The following AGXT2 variants were observed in gnomAD, a reference collection of about 807,000 sequenced individuals.
AGXT2 encodes alanine--glyoxylate aminotransferase 2, also known as alanine--glyoxylate aminotransferase 2, mitochondrial.
AGXT2 carries 61 observed loss-of-function variants against 62.5 expected under a neutral mutation model. The ratio of observed to expected loss-of-function variants is 0.98; its 90% CI spans 0.79 to 1.21. The LOEUF is 1.21. Among genes scored for constraint, AGXT2 ranks in the 50% most tolerant of loss-of-function variants. The pLI, the probability that AGXT2 is intolerant of heterozygous loss-of-function variation, is 0.00. For synonymous variants in AGXT2, 243 were observed against 218.7 expected (o/e 1.11, Z -0.98); for missense variants, 666 against 641.5 (o/e 1.04, Z -0.41).
chr5:35,046,494 G>T (rs1311288325), intron 1 of AGXT2, among the ~76,000 whole-genome samples: 2 of 152,182 alleles, frequency 1.3e-5, no homozygotes, highest in African/African-American at 4.8e-5. Flanking sequence ...ACCTGGCTTT[G>T]AATCCCAAGT....
intron 9 of AGXT2, among the ~76,000 whole-genome samples, chr5:35,019,027 T>C (rs1766961318): frequency 9.7e-6 from 1 of 102,948 alleles, no homozygotes; most frequent in Non-Finnish European, 1.8e-5. Context: ...GAGCTAACTA[T>C]CCTAAATATA....
chr5:34,999,840 A>G lies in AGXT2; in HGVS notation c.1438-1014T>C, dbSNP rs111710592. On this transcript the variant is annotated intron_variant, in intron 13 of 13. Transcript: ENST00000231420. ...GAGAACAAGGTGTATTTGCTGTTCA[A>G]CTCCAAATTGTCCACCTATGCCCTT... Among the ~76,000 whole-genome samples, 475 of 152,140 alleles carry G rather than the reference A, an allele frequency of 3.1e-3. 1 individual carries two copies. The highest frequency in any genetic ancestry group is 0.011 in the African/African-American group (451 of 41,506).
intron 1 of AGXT2, among the ~76,000 whole-genome samples, chr5:35,044,269 C>T (rs1037516418): frequency 2.6e-5 from 4 of 152,154 alleles, no homozygotes; most frequent in Admixed American, 2.6e-4. Flanking sequence ...AGTGTCTGGT[C>T]GGTAGAGAAA....
intron 1 of AGXT2, among the ~76,000 whole-genome samples, chr5:35,042,545 G>A (rs1204184164): frequency 2.0e-5 from 3 of 151,856 alleles, no homozygotes; most frequent in African/African-American, 7.3e-5. Flanking sequence ...GATATTTGAT[G>A]GACAGAAAGA....
At chr5:35,016,623 T>C (rs576188525) in intron 9 of AGXT2, among the ~76,000 whole-genome samples, 3 of 152,266 alleles carry the variant, frequency 2.0e-5, no homozygotes, top group South Asian at 2.1e-4. Flanking sequence ...GGTGGTTCTT[T>C]AGGACATGAG....
chr5:35,002,668 T>C (rs193034919), intron 13 of AGXT2, among the ~76,000 whole-genome samples: 30 of 152,266 alleles, frequency 2.0e-4, no homozygotes, highest in Non-Finnish European at 2.5e-4. Context: ...CACCAGACAC[T>C]GAACTTGCTG....
chr5:35,029,121 G>C (rs344510), intron 7 of AGXT2, among the ~76,000 whole-genome samples: 142,806 of 152,262 alleles, frequency 0.94, 67,435 homozygotes, highest in Non-Finnish European at 1. Flanking sequence ...ACAAGTATAT[G>C]AAACCCTGAA....
At chr5:35,003,154 A>T (rs1766295623) in intron 13 of AGXT2, among the ~76,000 whole-genome samples, 2 of 152,020 alleles carry the variant, frequency 1.3e-5, no homozygotes, top group Non-Finnish European at 2.9e-5. Context: ...CAAGGAAGGG[A>T]GTGGGGAGGG....
At chr5:34,999,670 C>T (rs1766156615) in intron 13 of AGXT2, among the ~76,000 whole-genome samples, 1 of 152,152 alleles carries the variant, frequency 6.6e-6, no homozygotes, top group Non-Finnish European at 1.5e-5. Context: ...TTTATCATTC[C>T]TCTCAATTTC....
rs560192154 is a variant in AGXT2 at position 35,014,778 on chromosome 5, T to C, written c.964-659A>G. Among the ~76,000 whole-genome samples the C allele has an allele frequency of 3.3e-5, 5 of 152,280 alleles. No individual in the cohort carries two copies. The East Asian group carries it at 9.7e-4, about 29-fold the overall frequency. The stretch of plus-strand genomic sequence containing the variant: ...ATGATTAACAATCTTTGATGAGCGT[T>C]TCCTCTGTGTAAGAAAGCAGGATAG... On this transcript the variant is annotated intron_variant, in intron 9 of 13. Coordinates refer to ENST00000231420, the MANE Select transcript of AGXT2 (RefSeq NM_031900.4).
chr5:35,021,655 A>C (rs1476520231), intron 9 of AGXT2, among the ~76,000 whole-genome samples: 1 of 152,182 alleles, frequency 6.6e-6, no homozygotes, highest in Non-Finnish European at 1.5e-5. Flanking sequence ...TTCAGGACAC[A>C]GGCATGGGCA....
chr5:35,009,892 G>C (rs1186131896), intron 12 of AGXT2, 108 bp downstream of exon 12: 7 of 1,476,096 alleles, frequency 4.7e-6, no homozygotes, highest in East Asian at 2.3e-5. Flanking sequence ...AAATCTTGCT[G>C]TTTGTGTCTG....
intron 9 of AGXT2, among the ~76,000 whole-genome samples, chr5:35,018,955 C>T (rs1196956560): frequency 7.5e-6 from 1 of 133,224 alleles, no homozygotes; most frequent in East Asian, 2.0e-4. Flanking sequence ...TTTAAACCAA[C>T]AAAGATCAAA....
chr5:35,035,097 C>T lies in AGXT2; in HGVS notation c.581+125G>A, dbSNP rs1427142523. On this transcript the variant is annotated intron_variant, in intron 5 of 13. Transcript: ENST00000231420. Reference sequence around the variant, plus strand: ...TCAATTGACCTATCCTTCCTTAAAACTTAACAACTAGAAAAATATCCCTGA... The same window carrying T: ...TCAATTGACCTATCCTTCCTTAAAATTTAACAACTAGAAAAATATCCCTGA... 1.6e-5 allele frequency: 14 copies of T among 877,588 alleles called. No individual in the cohort carries two copies. In the Admixed American group the frequency reaches 2.6e-4, roughly 16 times the overall value. 54.4% of individuals were successfully genotyped at this position (877,588 alleles called of 1,614,324 possible).
chr5:35,006,372 T>C (rs1457883376), intron 12 of AGXT2, among the ~76,000 whole-genome samples: 1 of 152,202 alleles, frequency 6.6e-6, no homozygotes, highest in African/African-American at 2.4e-5. Context: ...AGAGGTTTAA[T>C]TGGCTCACAG....
intron 9 of AGXT2, among the ~76,000 whole-genome samples, chr5:35,021,210 T>C (rs1397861915): frequency 4.6e-5 from 7 of 152,248 alleles, no homozygotes; most frequent in Admixed American, 1.3e-4. Context: ...CTTCACAGAA[T>C]TGAAAAAACT....
chr5:35,013,154 C>A, intron 10 of AGXT2, 109 bp from the exon 11 acceptor site: 2 of 939,656 alleles, frequency 2.1e-6, no homozygotes, highest in Non-Finnish European at 3.4e-6. Flanking sequence ...GCATCCAATC[C>A]AATTCATCCT....
rs1253941036 is a variant in AGXT2 at position 35,036,850 on chromosome 5, A to G, written c.486+92T>C. 1.2e-5 allele frequency: 19 copies of G among 1,590,994 alleles called. No individual in the cohort carries two copies. In the Admixed American group the frequency reaches 2.0e-4, roughly 17 times the overall value. ...CCCTGCTTCCTAGGGACGCTCCCCT[A>G]GAATCATAAGACTCCTGTCTCTTTG... On this transcript the variant is annotated intron_variant, in intron 4 of 13. Transcript: ENST00000231420.
intron 1 of AGXT2, among the ~76,000 whole-genome samples, chr5:35,041,750 C>G (rs1196599041): frequency 6.6e-6 from 1 of 152,146 alleles, no homozygotes; most frequent in Non-Finnish European, 1.5e-5. Context: ...TATGAAGTCA[C>G]AGTCCTGAGA....
Sources: gnomAD v4.1 joint callset for allele counts (sites outside exome capture counted in the v4.1 genomes callset) on GRCh38, gnomAD v4.1.1 for gene constraint, MANE v1.5 for transcripts, NCBI Gene and HGNC (gene_info 2026-07-23, HGNC 2026-07-21) for gene names.